Variants in BUB1B observed in about 807,000 individuals in gnomAD.
BUB1B encodes the protein mitotic checkpoint serine/threonine-protein kinase BUB1 beta.
A neutral mutation model predicts 137.7 loss-of-function variants in BUB1B; 86 were observed. That is an observed-to-expected ratio of 0.62 (90% CI 0.52 to 0.75). The LOEUF (loss-of-function observed/expected upper bound fraction) is 0.75, where lower values mean the gene tolerates loss of function less well. Among genes scored for constraint, BUB1B ranks in the 30% least tolerant of loss-of-function variants. BUB1B has a pLI of 0.00. For synonymous variants in BUB1B, 420 were observed against 417.9 expected, an observed-to-expected ratio of 1.00 and a Z score of -0.06; for missense variants, 1,130 against 1,236.9, an observed-to-expected ratio of 0.91 and a Z score of 1.30.
chr15:40,190,209 T>G (rs1352179622), intron 8 of BUB1B, among the ~76,000 whole-genome samples: 17 of 152,228 alleles, frequency 1.1e-4, no homozygotes, highest in Non-Finnish European at 2.5e-4. Context: ...AAAACTAACT[T>G]TTTTTCCTTC....
chr15:40,218,493 T>C lies in BUB1B; in HGVS notation c.2888T>C (p.Leu963Pro). Residue 963 changes from leucine to proline, a missense_variant, in exon 22 of 23, where the codon CTA becomes CCA. By Grantham distance (98) the Leu-to-Pro change is moderately conservative. Transcript: ENST00000287598. ...LFGIADLAHL[L>P]LFKEHLQVFW... Reference sequence around the variant, plus strand: ...GGTATAGCAGATTTAGCACATTTACTATTGTTCAAGGAACACCTACAGGTC... The same window carrying C: ...GGTATAGCAGATTTAGCACATTTACCATTGTTCAAGGAACACCTACAGGTC... The C allele has an allele frequency of 2.5e-6, 4 of 1,614,128 alleles. No homozygotes were observed. The highest frequency in any genetic ancestry group is 3.4e-6 in the Non-Finnish European group (4 of 1,179,976).
rs1432664385 is a variant in BUB1B, at chr15:40,170,475, G to C, written c.240-62G>C. The C allele has an allele frequency of 1.9e-6, 3 of 1,581,078 alleles. No individual in the cohort carries two copies. The African/African-American group carries it at 4.0e-5, about 21-fold the overall frequency. ...CTGCTAAAATCCAGAATGGGTCTTG[G>C]AGCAAGAACAAAAGTACATGTTCAA... On this transcript the variant is annotated intron_variant, in intron 3 of 22. Transcript: ENST00000287598.
intron 18 of BUB1B, among the ~76,000 whole-genome samples, 184 bp from the exon 19 acceptor site, chr15:40,212,315 T>G (rs2037723829): frequency 6.6e-6 from 1 of 152,232 alleles, no homozygotes; most frequent in Admixed American, 6.5e-5. Flanking sequence ...TTACCTCCTG[T>G]TCTCTTTCCA....
rs2037636594 is a variant in BUB1B, at chr15:40,206,355, G to A, written c.1906G>A (p.Glu636Lys). The A allele has an allele frequency of 6.2e-7, 1 of 1,614,148 alleles. No homozygotes were observed. The highest frequency in any genetic ancestry group is 8.5e-7 in the Non-Finnish European group (1 of 1,180,032). ...MSLKDLPSDP[E>K]RLLPEEDLDV... ...CTTGAAGGATCTCCCTTCTGATCCT[G>A]AGAGACTGTTACCGGAAGAAGATCT... The change falls in exon 15 of 23, where the codon GAG (glutamate) becomes AAG (lysine). Residue 636 changes from glutamate (E) to lysine (K), a missense_variant. Physicochemically the swap from Glu to Lys is moderately conservative, Grantham distance 56 (BLOSUM62 1). Coordinates refer to ENST00000287598, the MANE Select transcript of BUB1B (RefSeq NM_001211.6).
intron 6 of BUB1B, among the ~76,000 whole-genome samples, 190 bp downstream of exon 6, chr15:40,184,073 C>T (rs2037330506): frequency 6.6e-6 from 1 of 152,076 alleles, no homozygotes. Context: ...AATTTTGTGT[C>T]TTAATTAAGA....
At chr15:40,191,879 C>T (rs1386348955) in intron 8 of BUB1B, among the ~76,000 whole-genome samples, 5 of 151,900 alleles carry the variant, frequency 3.3e-5, no homozygotes, top group South Asian at 4.1e-4. Flanking sequence ...TTCCCCTACA[C>T]GATCTCGATT....
chr15:40,207,874 TAAAAATA>T (rs1437461136), intron 15 of BUB1B, among the ~76,000 whole-genome samples: 1 of 79,484 alleles, frequency 1.3e-5, no homozygotes, highest in Admixed American at 1.1e-4. Flanking sequence ...TTGTGTCTAA[TAAAAATA>T]AAAAAAAAAA....
intron 8 of BUB1B, among the ~76,000 whole-genome samples, chr15:40,190,736 C>T (rs1595523097): frequency 6.6e-6 from 1 of 152,174 alleles, no homozygotes; most frequent in South Asian, 2.1e-4. Context: ...GTTACTTGAA[C>T]ACAAGAACTG....
chr15:40,210,002 C>T (rs1239004036), intron 17 of BUB1B, 108 bp from the exon 18 acceptor site: 2 of 1,024,112 alleles, frequency 2.0e-6, no homozygotes, highest in Non-Finnish European at 3.0e-6. Context: ...CTAGATACTA[C>T]TAACTGGCAA....
intron 1 of BUB1B, among the ~76,000 whole-genome samples, chr15:40,162,423 T>C (rs1402124055): frequency 1.3e-5 from 2 of 152,196 alleles, no homozygotes; most frequent in Non-Finnish European, 2.9e-5. Flanking sequence ...TGGGTTTAAA[T>C]GGGGTCACTT....
chr15:40,169,128 C>T (rs1160459527), intron 2 of BUB1B, among the ~76,000 whole-genome samples: 1 of 152,140 alleles, frequency 6.6e-6, no homozygotes, highest in Non-Finnish European at 1.5e-5. Context: ...TTACCTAATT[C>T]TTCCCCTCTA....
At chr15:40,191,856 C>T (rs148183400) in intron 8 of BUB1B, among the ~76,000 whole-genome samples, 13 of 151,698 alleles carry the variant, frequency 8.6e-5, no homozygotes, top group African/African-American at 2.7e-4. Flanking sequence ...CAATACCACA[C>T]AGTCTTTTTT....
chr15:40,216,230 G>A (rs1257643854), intron 20 of BUB1B, among the ~76,000 whole-genome samples: 2 of 152,208 alleles, frequency 1.3e-5, no homozygotes, highest in African/African-American at 4.8e-5. Context: ...TTGAGCCTAG[G>A]AGTTCAAGAC....
Position 40,170,689 on chromosome 15 carries a change from T to C in BUB1B, c.384+8T>C, listed in dbSNP as rs1182441388. 1 of 1,612,700 alleles carries C rather than the reference T, an allele frequency of 6.2e-7. No homozygotes were observed. ...AATCTCTGGCTTAAATTAGTAAGTC[T>C]TTCTCAAGTGCCATCTGAGTTTTAA... On this transcript the variant is annotated splice_region_variant and intron_variant, in intron 4 of 22. Transcript: ENST00000287598.
chr15:40,220,940 C>G lies in BUB1B; in HGVS notation c.*181C>G, dbSNP rs1256475081. On this transcript the variant is annotated 3_prime_UTR_variant, in exon 23 of 23. Transcript: ENST00000287598. Reference sequence around the variant, plus strand: ...TATTTTTTATACAGTGATATACTTACTCATGGCCTTGTCTAACTTTTGTGA... The same window carrying G: ...TATTTTTTATACAGTGATATACTTAGTCATGGCCTTGTCTAACTTTTGTGA... 1 of 667,484 alleles carries G rather than the reference C, an allele frequency of 1.5e-6. No individual in the cohort carries two copies. Among genetic ancestry groups the G allele is most frequent in the African/African-American group, 1.8e-5 (1 of 55,450 alleles). 41.3% of individuals were successfully genotyped at this position (667,484 alleles called of 1,614,324 possible). A position where few individuals can be genotyped will look rare whatever the true frequency, so the allele number is the denominator to read the frequency against.
At chr15:40,213,563 T>C in intron 20 of BUB1B, 89 bp downstream of exon 20, 1 of 1,392,516 alleles carries the variant, frequency 7.2e-7, no homozygotes, top group Non-Finnish European at 1.0e-6. Context: ...GAGGCGAGGG[T>C]CTCACTCTGT....
intron 5 of BUB1B, among the ~76,000 whole-genome samples, 158 bp downstream of exon 5, chr15:40,176,831 T>A (rs1356374000): frequency 6.6e-6 from 1 of 152,208 alleles, no homozygotes; most frequent in East Asian, 1.9e-4. Context: ...ATTTTATTTA[T>A]CATAGAGTAA....
Position 40,217,605 on chromosome 15 carries a change from T to C in BUB1B, c.2788T>C (p.Phe930Leu), listed in dbSNP as rs1399378297. ...VQLDVFTLSG[F>L]RTVQILEGQK... ...GCTGGATGTTTTTACCCTCAGCGGC[T>C]TTCGGACTGTACAGATCCTGGAAGG... Residue 930 changes from phenylalanine to leucine, a missense_variant, in exon 21 of 23, where the codon TTT (phenylalanine) becomes CTT (leucine). Physicochemically the swap from Phe to Leu is conservative, Grantham distance 22. Transcript: ENST00000287598. 1 of 1,614,162 alleles carries C rather than the reference T, an allele frequency of 6.2e-7. No individual in the cohort carries two copies. The highest frequency in any genetic ancestry group is 1.7e-5 in the Admixed American group (1 of 60,012).
intron 16 of BUB1B, 101 bp from the exon 17 acceptor site, chr15:40,209,534 T>C: frequency 7.2e-7 from 1 of 1,379,356 alleles, no homozygotes; most frequent in Non-Finnish European, 1.0e-6. Context: ...GTGCTGACTG[T>C]GTAATCTTGA....
Sources: allele counts gnomAD v4.1 joint callset (sites outside exome capture counted in the v4.1 genomes callset), GRCh38; gene constraint gnomAD v4.1.1; transcripts MANE v1.5; gene names NCBI Gene and HGNC (gene_info 2026-07-23, HGNC 2026-07-21).